Variants in THSD7B observed in about 807,000 individuals in gnomAD.
THSD7B encodes the protein thrombospondin type-1 domain-containing protein 7B.
Under a neutral mutation model 213.6 loss-of-function variants are expected in THSD7B, and 138 were observed. The observed-to-expected ratio is 0.65, with a 90% CI of 0.56 to 0.74. The LOEUF is 0.74. THSD7B is among the 30% of genes least tolerant of loss of function. THSD7B has a pLI of 0.00. For synonymous variants in THSD7B, 742 were observed against 687.0 expected, an observed-to-expected ratio of 1.08 and a Z score of -1.25; for missense variants, 1,931 against 1,991.5, an observed-to-expected ratio of 0.97 and a Z score of 0.58.
chr2:136,799,184 A>T (rs565697120), intron 1 of THSD7B, among the ~76,000 whole-genome samples: 47 of 152,148 alleles, frequency 3.1e-4, no homozygotes, highest in Middle Eastern at 6.8e-3. Flanking sequence ...TTCACATAGC[A>T]AAAAAGATGT....
At chr2:137,621,189 A>G (rs895748140) in intron 20 of THSD7B, among the ~76,000 whole-genome samples, 3 of 152,174 alleles carry the variant, frequency 2.0e-5, no homozygotes, top group African/African-American at 7.2e-5. Flanking sequence ...AGGTTCTGCC[A>G]CTTTAACAGG....
chr2:136,903,872 A>T (rs914145200), intron 2 of THSD7B, among the ~76,000 whole-genome samples: 1 of 152,024 alleles, frequency 6.6e-6, no homozygotes, highest in Non-Finnish European at 1.5e-5. Context: ...TAGGTGGCAG[A>T]AAGCATAGAA....
At chr2:137,097,729 T>C (rs1006853510) in intron 4 of THSD7B, among the ~76,000 whole-genome samples, 1 of 151,670 alleles carries the variant, frequency 6.6e-6, no homozygotes, top group Non-Finnish European at 1.5e-5. Flanking sequence ...GTGATGATCC[T>C]GGCCCTCTAG....
intron 1 of THSD7B, among the ~76,000 whole-genome samples, chr2:136,853,622 C>T (rs1197317136): frequency 6.6e-6 from 1 of 152,160 alleles, no homozygotes; most frequent in African/African-American, 2.4e-5. Context: ...GTTTGAGTAA[C>T]ATTTTGTGGG....
intron 1 of THSD7B, among the ~76,000 whole-genome samples, chr2:136,828,174 G>A (rs1459591973): frequency 7.9e-5 from 12 of 151,984 alleles, no homozygotes; most frequent in Admixed American, 7.9e-4. Flanking sequence ...TAATCTTCAT[G>A]TTTCTAAACT....
At chr2:137,382,531 T>C (rs1328444140) in intron 12 of THSD7B, among the ~76,000 whole-genome samples, 2 of 152,186 alleles carry the variant, frequency 1.3e-5, no homozygotes, top group African/African-American at 4.8e-5. Context: ...TATTCCTTGA[T>C]AGAGAAACAG....
intron 1 of THSD7B, among the ~76,000 whole-genome samples, chr2:136,823,009 A>G (rs972633562): frequency 3.3e-5 from 5 of 152,236 alleles, no homozygotes; most frequent in African/African-American, 1.2e-4. Flanking sequence ...AGACAATATT[A>G]TCAATAAGCA....
chr2:137,559,132 A>G (rs1324506365), intron 15 of THSD7B, among the ~76,000 whole-genome samples: 1 of 152,204 alleles, frequency 6.6e-6, no homozygotes, highest in Non-Finnish European at 1.5e-5. Context: ...GAAAATGGCC[A>G]TACTGCCCAA....
intron 17 of THSD7B, among the ~76,000 whole-genome samples, chr2:137,594,923 C>A (rs778274360): frequency 5.9e-5 from 9 of 151,628 alleles, no homozygotes; most frequent in Non-Finnish European, 8.8e-5. Context: ...AGATGTTCTG[C>A]ATATCTTAGT....
chr2:137,439,962 C>A (rs566667443), intron 14 of THSD7B, among the ~76,000 whole-genome samples: 1 of 152,060 alleles, frequency 6.6e-6, no homozygotes, highest in Non-Finnish European at 1.5e-5. Flanking sequence ...TATGAACTTT[C>A]TTCTGTTCCA....
intron 1 of THSD7B, among the ~76,000 whole-genome samples, chr2:136,839,800 C>T (rs1682897047): frequency 6.6e-6 from 1 of 151,944 alleles, no homozygotes. Context: ...GTTGGTCTTG[C>T]TAATTCATGA....
chr2:137,205,848 G>A (rs1430725169), intron 7 of THSD7B, among the ~76,000 whole-genome samples: 1 of 151,964 alleles, frequency 6.6e-6, no homozygotes, highest in African/African-American at 2.4e-5. Context: ...CATTAATTCA[G>A]ACCCTACTTG....
intron 15 of THSD7B, among the ~76,000 whole-genome samples, chr2:137,541,119 A>G (rs997387726): frequency 1.4e-4 from 21 of 151,774 alleles, no homozygotes; most frequent in African/African-American, 4.6e-4. Context: ...ATCATAACAC[A>G]GAGACATCAT....
intron 1 of THSD7B, among the ~76,000 whole-genome samples, chr2:136,776,697 A>G (rs1681612323): frequency 1.3e-5 from 2 of 152,204 alleles, no homozygotes; most frequent in Admixed American, 6.6e-5. Flanking sequence ...ATAGCAAAGT[A>G]GTTATTCATC....
intron 1 of THSD7B, among the ~76,000 whole-genome samples, chr2:136,843,405 A>G (rs1012953976): frequency 6.6e-6 from 1 of 152,196 alleles, no homozygotes; most frequent in East Asian, 1.9e-4. Context: ...GTGAATGTCC[A>G]TTGTTCTTTT....
At chr2:136,845,329 G>A (rs1215018452) in intron 1 of THSD7B, among the ~76,000 whole-genome samples, 1 of 152,182 alleles carries the variant, frequency 6.6e-6, no homozygotes, top group African/African-American at 2.4e-5. Context: ...AGTGCAAAAG[G>A]CAGTGCAAGA....
intron 25 of THSD7B, among the ~76,000 whole-genome samples, chr2:137,661,439 C>T (rs1206653398): frequency 1.3e-5 from 2 of 151,808 alleles, no homozygotes; most frequent in Admixed American, 6.6e-5. Context: ...AGTCTTTTAT[C>T]TCCCATGTAA....
intron 2 of THSD7B, among the ~76,000 whole-genome samples, chr2:137,000,805 T>G (rs1439878087): frequency 6.6e-6 from 1 of 152,106 alleles, no homozygotes; most frequent in Non-Finnish European, 1.5e-5. Flanking sequence ...CAGGCATACC[T>G]TTGGAGATGT....
intron 5 of THSD7B, among the ~76,000 whole-genome samples, chr2:137,153,610 C>T (rs1679856642): frequency 6.6e-6 from 1 of 152,096 alleles, no homozygotes; most frequent in Admixed American, 6.6e-5. Flanking sequence ...CATTGTTTTG[C>T]AAATCCCAGT....
Sources: allele counts gnomAD v4.1 joint callset (sites outside exome capture counted in the v4.1 genomes callset), GRCh38; gene constraint gnomAD v4.1.1; transcripts MANE v1.5; gene names NCBI Gene and HGNC (gene_info 2026-07-23, HGNC 2026-07-21).